Variants in ACOX3 observed in about 807,000 individuals in gnomAD.
ACOX3 encodes peroxisomal acyl-coenzyme A oxidase 3.
Under a neutral mutation model 81.5 loss-of-function variants are expected in ACOX3, and 73 were observed. That is an observed-to-expected ratio of 0.90 (90% CI 0.74 to 1.09). The LOEUF is 1.09. Ranked by LOEUF, ACOX3 falls within the 50% of genes least tolerant of loss-of-function variation. The pLI, the probability that ACOX3 is intolerant of heterozygous loss-of-function variation, is 0.00. For missense variants in ACOX3, 947 were observed against 928.0 expected (o/e 1.02, Z -0.27); for synonymous variants, 387 against 375.1 (o/e 1.03, Z -0.37).
Position 8,416,185 on chromosome 4 carries a change from T to A in ACOX3, c.145-186A>T, listed in dbSNP as rs1405236196. On this transcript the variant is annotated intron_variant, in intron 2 of 17. Coordinates refer to ENST00000356406, the MANE Select transcript of ACOX3 (RefSeq NM_003501.3). This position sits in a 1 kb window ranked among gnomAD's most constrained non-coding sequence, Gnocchi z 4.2. ...CTGGAGGCTTAAGAAACATCAACAA[T>A]CCGTGTTCATTTCCAGACTCCTCAT... 6.6e-6 allele frequency among the ~76,000 whole-genome samples: 1 copy of A among 152,058 alleles called. No individual in the cohort carries two copies. Among genetic ancestry groups the A allele is most frequent in the African/African-American group, 2.4e-5 (1 of 41,390 alleles).
the ACOX3 span, among the ~76,000 whole-genome samples, chr4:8,359,977 C>T: frequency 9.8e-3 from 1,497 of 152,304 alleles, 6 homozygotes; most frequent in African/African-American, 0.011. The surrounding 1 kb of genome is among the most constrained non-coding windows in gnomAD (Gnocchi z 6.0). Context: ...GGATAGAGCA[C>T]GGACTTAGGA....
Position 8,423,926 on chromosome 4 carries a change from C to T in ACOX3, c.-14-7391G>A, listed in dbSNP as rs1025766942. Among the ~76,000 whole-genome samples the T allele has an allele frequency of 5.3e-5, 8 of 152,306 alleles. No individual in the cohort carries two copies. Among genetic ancestry groups the T allele is most frequent in the South Asian group, 2.1e-4 (1 of 4,824 alleles). ...TTGGGCACTCTTGTCCTTCGGTATG[C>T]GGATGATTTACTTTTAGCCACCCAT... On this transcript the variant is annotated intron_variant, in intron 1 of 17. Coordinates refer to ENST00000356406, the MANE Select transcript of ACOX3 (RefSeq NM_003501.3). The surrounding 1 kb of genome is among the most constrained non-coding windows in gnomAD (Gnocchi z 4.2).
intron 1 of ACOX3, among the ~76,000 whole-genome samples, chr4:8,425,073 G>A (rs1277842042): frequency 6.6e-6 from 1 of 152,178 alleles, no homozygotes; most frequent in East Asian, 1.9e-4. Flanking sequence ...GGAGAGAAAG[G>A]GAATTCCTAA....
Position 8,397,912 on chromosome 4 carries a change from A to G in ACOX3, c.874-793T>C, listed in dbSNP as rs577522061. ...GCGGCGGCTCACGCCTGTAATCCCAATGCTTTGGGAGGCTGAGGTGGGCAG... is the reference window on the plus strand; with the variant it reads ...GCGGCGGCTCACGCCTGTAATCCCAGTGCTTTGGGAGGCTGAGGTGGGCAG... On this transcript the variant is annotated intron_variant, in intron 8 of 17. Transcript: ENST00000356406. Among the ~76,000 whole-genome samples, 3 of 152,344 alleles carry G rather than the reference A, an allele frequency of 2.0e-5. No homozygotes were observed. The East Asian group carries it at 5.8e-4, about 29-fold the overall frequency.
At position 8,379,212 on chromosome 4, in the gene ACOX3, G is replaced by T. The variant is rs1431953319; in HGVS notation, c.1653+2280C>A. On this transcript the variant is annotated intron_variant, in intron 14 of 17. Transcript: ENST00000356406. ...AACAGCTTCCGGTTCCCATCTTCCT[G>T]AAAAGGCTGGTCTAGGCTGAGGCTT... Among the ~76,000 whole-genome samples, 3 of 152,218 alleles carry T rather than the reference G, an allele frequency of 2.0e-5. No individual in the cohort carries two copies. In the East Asian group the frequency reaches 5.8e-4, roughly 29 times the overall value.
rs1033210687 is a variant in ACOX3 at position 8,394,948 on chromosome 4, C to T, written c.1057-206G>A. On this transcript the variant is annotated intron_variant, in intron 9 of 17. Coordinates refer to ENST00000356406, the MANE Select transcript of ACOX3 (RefSeq NM_003501.3). This position sits in a 1 kb window ranked among gnomAD's most constrained non-coding sequence, Gnocchi z 5.9. The stretch of plus-strand genomic sequence containing the variant: ...CAGCCAGTTCGGCTTTCACCCATAG[C>T]CCTTGACAGACAAGCTCAAACGCAA... 2 of 569,090 alleles carry T rather than the reference C, an allele frequency of 3.5e-6. No homozygotes were observed. The highest frequency in any genetic ancestry group is 2.3e-5 in the South Asian group (1 of 43,048). 35.3% of individuals were successfully genotyped at this position (569,090 alleles called of 1,614,324 possible).
At chr4:8,402,009 G>T (rs1370159101) in intron 7 of ACOX3, among the ~76,000 whole-genome samples, 1 of 152,198 alleles carries the variant, frequency 6.6e-6, no homozygotes, top group Non-Finnish European at 1.5e-5. Flanking sequence ...CCATGAGGGG[G>T]CCACCGTGCA....
chr4:8,380,491 ATCTGGGT>A (rs1484903770), intron 14 of ACOX3, among the ~76,000 whole-genome samples: 2 of 152,030 alleles, frequency 1.3e-5, no homozygotes, highest in Admixed American at 1.3e-4. Context: ...ACCTGGCCCA[ATCTGGGT>A]TTCTTTGAGC....
At chr4:8,363,486 A>G (rs915551630), downstream of ACOX3, among the ~76,000 whole-genome samples, 16 of 152,102 alleles carry the variant, frequency 1.1e-4, no homozygotes, top group African/African-American at 3.9e-4. Context: ...AGTATCATGG[A>G]CCCTATTCAC....
intron 1 of ACOX3, chr4:8,439,434 A>G (rs1724456489): frequency 6.6e-6 from 1 of 152,250 alleles, no homozygotes; most frequent in African/African-American, 2.4e-5. Context: ...TGTTATGTTT[A>G]TAAAAAGGCT....
chr4:8,409,794 TGGG>T (rs1721498207), intron 6 of ACOX3, among the ~76,000 whole-genome samples: 2 of 144,100 alleles, frequency 1.4e-5, no homozygotes, highest in African/African-American at 5.3e-5. Flanking sequence ...ATCTGTACTG[TGGG>T]TGGAGCTGTC....
rs1187224546 is a variant in ACOX3, at chr4:8,366,915, A to C, written c.*46T>G. 6.2e-7 allele frequency: 1 copy of C among 1,607,898 alleles called. No homozygotes were observed. The highest frequency in any genetic ancestry group is 1.3e-5 in the African/African-American group (1 of 74,792). ...CAGAAGTTGAGGTCCACGTCTGATT[A>C]GTTCCCTTCGTTTCATTAGACTTGG... On this transcript the variant is annotated 3_prime_UTR_variant, in exon 18 of 18. Coordinates refer to ENST00000356406, the MANE Select transcript of ACOX3 (RefSeq NM_003501.3).
chr4:8,373,585 G>C lies in ACOX3; in HGVS notation c.1872C>G (p.Ser624Arg). 1 of 1,613,816 alleles carries C rather than the reference G, an allele frequency of 6.2e-7. No individual in the cohort carries two copies. Residue 624 changes from serine to arginine, a missense_variant, in exon 16 of 18, where the codon AGC becomes AGG. Coordinates refer to ENST00000356406, the MANE Select transcript of ACOX3 (RefSeq NM_003501.3). ...CCTGGGAACACAAAGCCAGGACGGC[G>C]CTCTCCAACACTTCTCCCGCCTGCT... Reference protein sequence around the residue: ...SGEQAGEVLESAVLALCSQLK... With the variant: ...SGEQAGEVLERAVLALCSQLK...
At chr4:8,425,244 A>G (rs1723351848) in intron 1 of ACOX3, among the ~76,000 whole-genome samples, 1 of 152,096 alleles carries the variant, frequency 6.6e-6, no homozygotes, top group African/African-American at 2.4e-5. Flanking sequence ...AAGCCAAAAG[A>G]GCCGCAAGGT....
chr4:8,403,003 GCAAACGCACGAAGAAAGAC>G (rs995915735), intron 7 of ACOX3, among the ~76,000 whole-genome samples: 21 of 152,300 alleles, frequency 1.4e-4, no homozygotes, highest in Admixed American at 9.8e-4. Context: ...TCAGCTCAGG[GCAAACGCACGAAGAAAGAC>G]CCTTAAGGTG....
chr4:8,370,911 G>A lies in ACOX3; in HGVS notation c.1980C>T (p.Gly660=), dbSNP rs371909457. ...VLDSPIGRAD[G]ELYKNLWGAV... The stretch of plus-strand genomic sequence containing the variant: ...TGAGGCCCTGTCCTCCCTTTACCTC[G>A]CCGTCGGCTCTGCCAATCGGTGAGT... The change falls in exon 17 of 18, where the codon GGC becomes GGT. Residue 660 remains glycine, a synonymous_variant. Coordinates refer to ENST00000356406, the MANE Select transcript of ACOX3 (RefSeq NM_003501.3). The surrounding 1 kb of genome is among the most constrained non-coding windows in gnomAD (Gnocchi z 6.3). The A allele has an allele frequency of 8.7e-5, 141 of 1,613,454 alleles. No individual in the cohort carries two copies. Among genetic ancestry groups the A allele is most frequent in the Non-Finnish European group, 1.1e-4 (131 of 1,179,916 alleles).
intron 13 of ACOX3, among the ~76,000 whole-genome samples, chr4:8,383,910 C>T (rs1229969759): frequency 6.6e-6 from 1 of 152,204 alleles, no homozygotes; most frequent in Admixed American, 6.5e-5. Flanking sequence ...CTTATTTACA[C>T]AGCAACAAAA....
chr4:8,411,115 C>A (rs1721675064), intron 5 of ACOX3, among the ~76,000 whole-genome samples: 1 of 152,186 alleles, frequency 6.6e-6, no homozygotes, highest in Non-Finnish European at 1.5e-5. Context: ...GGATGCGGAC[C>A]AGCAGTGCTG....
At chr4:8,433,007 T>C (rs1560210199) in intron 1 of ACOX3, among the ~76,000 whole-genome samples, 1 of 152,242 alleles carries the variant, frequency 6.6e-6, no homozygotes, top group African/African-American at 2.4e-5. Flanking sequence ...AGTGCAGACA[T>C]AGAACATTGC....
Sources: allele counts gnomAD v4.1 joint callset (sites outside exome capture counted in the v4.1 genomes callset), GRCh38; gene constraint gnomAD v4.1.1; non-coding constraint Gnocchi (gnomAD v3.1); transcripts MANE v1.5; gene names NCBI Gene and HGNC (gene_info 2026-07-23, HGNC 2026-07-21).